The following FARP1 variants were observed in gnomAD, a reference collection of about 807,000 sequenced individuals.
The protein encoded by FARP1 is FERM, ARHGEF and pleckstrin domain-containing protein 1.
Under a neutral mutation model 128.8 loss-of-function variants are expected in FARP1, and 52 were observed. The ratio of observed to expected loss-of-function variants is 0.40; its 90% confidence interval spans 0.32 to 0.51. The LOEUF is 0.51. Ranked by LOEUF, FARP1 falls within the 20% of genes least tolerant of loss-of-function variation. The pLI is 0.45. For synonymous variants in FARP1, 580 were observed against 551.8 expected, an observed-to-expected ratio of 1.05 and a Z score of -0.72; for missense variants, 1,333 against 1,367.9, an observed-to-expected ratio of 0.97 and a Z score of 0.40.
chr13:98,327,475 A>G (rs1264885222), intron 2 of FARP1, among the ~76,000 whole-genome samples: 1 of 152,228 alleles, frequency 6.6e-6, no homozygotes, highest in Non-Finnish European at 1.5e-5. Flanking sequence ...CAAGGGACTT[A>G]AACTGAGCAA....
At chr13:98,286,144 G>A (rs1006844447) in intron 2 of FARP1, among the ~76,000 whole-genome samples, 3 of 152,008 alleles carry the variant, frequency 2.0e-5, no homozygotes, top group Non-Finnish European at 2.9e-5. Context: ...AACCTGCGTG[G>A]CCCATGGGTT....
chr13:98,453,401 ACAAAAACTC>A lies in FARP1; in HGVS notation c.*5087_*5095del. 1.7e-6 allele frequency: 1 copy of A among 605,458 alleles called. No homozygotes were observed. Among genetic ancestry groups the A allele is most frequent in the Non-Finnish European group, 2.8e-6 (1 of 357,846 alleles). The allele number at this position is 605,458 out of a possible 1,614,324, so 37.5% of individuals were successfully genotyped here. ...AGACTGAGAAGATCATGATTCTTACACAAAAACTCCAGAGCATGTCACCAAAAACCAAGA... is the reference window on the plus strand; with the variant it reads ...AGACTGAGAAGATCATGATTCTTACACAGAGCATGTCACCAAAAACCAAGA... On this transcript the variant is annotated 3_prime_UTR_variant, in exon 27 of 27. Transcript: ENST00000319562.
At chr13:98,208,315 GAA>G (rs547241664) in intron 1 of FARP1, among the ~76,000 whole-genome samples, 45 of 129,596 alleles carry the variant, frequency 3.5e-4, no homozygotes, top group East Asian at 1.2e-3. Context: ...CTACTGGGGA[GAA>G]AAAAAAAAAA....
rs1338064662 is a variant in FARP1, at chr13:98,432,393, AG to A, written c.2143+1114del. 2.0e-5 allele frequency: 3 copies of A among 152,448 alleles called. No individual in the cohort carries two copies. The East Asian group carries it at 5.8e-4, about 29-fold the overall frequency. 9.4% of individuals were successfully genotyped at this position (152,448 alleles called of 1,614,324 possible). A position where few individuals can be genotyped will look rare whatever the true frequency, so the allele number is the denominator to read the frequency against. ...ACTTGCTGGGTCACTCAGAGGTCAG[AG>A]CCGCATTCCAGACCTGCTTTTCCCA... On this transcript the variant is annotated intron_variant, in intron 18 of 26. Coordinates refer to ENST00000319562, the MANE Select transcript of FARP1 (RefSeq NM_005766.4).
chr13:98,298,868 T>C (rs1885809235), intron 2 of FARP1, among the ~76,000 whole-genome samples: 2 of 152,194 alleles, frequency 1.3e-5, no homozygotes, highest in South Asian at 4.1e-4. Context: ...GAATAAATGG[T>C]GAGCAGGCTT....
intron 26 of FARP1, chr13:98,447,859 AAG>A (rs1238112182): frequency 4.7e-6 from 1 of 213,924 alleles, no homozygotes; most frequent in African/African-American, 2.3e-5. Flanking sequence ...AAAAAAGAAA[AAG>A]AAAAAAGGAA....
chr13:98,269,814 T>C (rs73556864), intron 2 of FARP1, among the ~76,000 whole-genome samples: 23,264 of 152,246 alleles, frequency 0.15, 1,828 homozygotes, highest in African/African-American at 0.19. Flanking sequence ...TCAGTTGTTA[T>C]TTATTTAAGA....
chr13:98,153,297 A>ATATATTTATATATAAAATATATAAAT (rs1555322251), intron 1 of FARP1, among the ~76,000 whole-genome samples: 1 of 115,000 alleles, frequency 8.7e-6, no homozygotes, highest in African/African-American at 3.0e-5. Context: ...AATATATATA[A>ATATATTTATATATAAAATATATAAAT]ATATATTTAT....
At chr13:98,227,038 TCA>T (rs1448924440) in intron 2 of FARP1, among the ~76,000 whole-genome samples, 11 of 144,038 alleles carry the variant, frequency 7.6e-5, no homozygotes, top group African/African-American at 2.7e-4. Flanking sequence ...CCTCCCGGGT[TCA>T]CGTCATTCTC....
intron 2 of FARP1, among the ~76,000 whole-genome samples, chr13:98,225,723 C>T (rs1881720118): frequency 1.3e-5 from 2 of 152,242 alleles, no homozygotes; most frequent in Non-Finnish European, 2.9e-5. Context: ...GTCCTGCCAA[C>T]CGGGCTGTTA....
At chr13:98,217,501 T>C (rs1881146148) in intron 2 of FARP1, among the ~76,000 whole-genome samples, 1 of 152,180 alleles carries the variant, frequency 6.6e-6, no homozygotes, top group Admixed American at 6.5e-5. Context: ...TGTTGCTGTC[T>C]TGTCACTGCT....
At chr13:98,340,082 T>G (rs1016991797) in intron 2 of FARP1, among the ~76,000 whole-genome samples, 3 of 138,974 alleles carry the variant, frequency 2.2e-5, no homozygotes, top group Non-Finnish European at 3.0e-5. Flanking sequence ...GTATATTAGT[T>G]TTTTTTTTTT....
At position 98,431,419 on chromosome 13, in the gene FARP1, G is replaced by T; in HGVS notation, c.2143+139G>T. ...GGGTCCCAGGTTTTCATCAGGGTGGGCGCCGGTTTTTATTCCTGCTCTGGT... is the reference window on the plus strand; with the variant it reads ...GGGTCCCAGGTTTTCATCAGGGTGGTCGCCGGTTTTTATTCCTGCTCTGGT... On this transcript the variant is annotated intron_variant, in intron 18 of 26. Coordinates refer to ENST00000319562, the MANE Select transcript of FARP1 (RefSeq NM_005766.4). The T allele has an allele frequency of 1.5e-5, 9 of 585,136 alleles. No individual in the cohort carries two copies. The South Asian group carries it at 1.9e-4, about 13-fold the overall frequency. 36.2% of individuals were successfully genotyped at this position (585,136 alleles called of 1,614,324 possible).
At chr13:98,151,601 G>A (rs552939683) in intron 1 of FARP1, among the ~76,000 whole-genome samples, 39 of 149,448 alleles carry the variant, frequency 2.6e-4, no homozygotes, top group Non-Finnish European at 5.2e-4. Flanking sequence ...GATATCAAAG[G>A]TGACAATTTG....
chr13:98,295,104 CATAT>C lies in FARP1; in HGVS notation c.172-48655_172-48652del, dbSNP rs199654031. 7.8e-4 allele frequency among the ~76,000 whole-genome samples: 20 copies of C among 25,494 alleles called. 1 individual carries two copies. Among genetic ancestry groups the C allele is most frequent in the East Asian group, 5.0e-3 (4 of 800 alleles). The allele number at this position is 25,494 out of a possible 152,430, so 16.7% of individuals were successfully genotyped here. A position where few individuals can be genotyped will look rare whatever the true frequency, so the allele number is the denominator to read the frequency against. On this transcript the variant is annotated intron_variant, in intron 2 of 26. Coordinates refer to ENST00000319562, the MANE Select transcript of FARP1 (RefSeq NM_005766.4). ...ACACACACACACACACACACACACACATATATCCCCAGGCATTATTTATTTATTT... is the reference window on the plus strand; with the variant it reads ...ACACACACACACACACACACACACACATCCCCAGGCATTATTTATTTATTT...
intron 26 of FARP1, 69 bp downstream of exon 26, chr13:98,446,886 TC>T: frequency 6.4e-7 from 1 of 1,557,256 alleles, no homozygotes; most frequent in African/African-American, 1.4e-5. Flanking sequence ...TCAGGATTTC[TC>T]CCAAGTCAGC....
chr13:98,410,507 C>G (rs927915282), intron 14 of FARP1, among the ~76,000 whole-genome samples: 8 of 152,184 alleles, frequency 5.3e-5, no homozygotes, highest in Non-Finnish European at 1.2e-4. Context: ...AGCCTAGCTC[C>G]TCACATGAAA....
chr13:98,435,363 T>A, intron 18 of FARP1: 1 of 479,994 alleles, frequency 2.1e-6, no homozygotes, highest in Non-Finnish European at 3.6e-6. Flanking sequence ...CAGGGGTCAC[T>A]TAGTTTTAAG....
chr13:98,440,915 C>A, intron 24 of FARP1, 79 bp downstream of exon 24: 2 of 1,419,940 alleles, frequency 1.4e-6, no homozygotes, highest in Non-Finnish European at 1.9e-6. Flanking sequence ...GGGCCAGGGG[C>A]TTGAGGGAGG....
Sources: allele counts gnomAD v4.1 joint callset (sites outside exome capture counted in the v4.1 genomes callset), GRCh38; gene constraint gnomAD v4.1.1; transcripts MANE v1.5; gene names NCBI Gene and HGNC (gene_info 2026-07-23, HGNC 2026-07-21).